ELAC2: variants seen among roughly 807,000 people sequenced by gnomAD.
ELAC2 encodes the protein zinc phosphodiesterase ELAC protein 2.
Under a neutral mutation model 105.2 loss-of-function variants are expected in ELAC2, and 92 were observed. The ratio of observed to expected loss-of-function variants is 0.87; its 90% CI spans 0.74 to 1.04. The LOEUF is 1.04. Ranked by LOEUF, ELAC2 falls within the 50% of genes least tolerant of loss-of-function variation. The probability of loss-of-function intolerance (pLI) is 0.00; values close to 1 mark genes in which losing one functional copy is unlikely to be tolerated. For missense variants in ELAC2, 1,099 were observed against 1,071.7 expected (o/e 1.03, Z -0.36); for synonymous variants, 468 against 409.1 (o/e 1.14, Z -1.74).
rs1474703899 is a variant in ELAC2 at position 12,994,460 on chromosome 17, A to G, written c.2073T>C (p.Asp691=). ...TLLIHEATLE[D]GLEEEAVEKT... is the part of the protein sequence containing the mutation. ...TTTCCACTGCTTCCTCTTCCAAACC[A>G]TCTTCCAGGGTGGCTTCATGTATCA... Residue 691 remains aspartate, a synonymous_variant, in exon 22 of 24, where the codon GAT becomes GAC. Coordinates refer to ENST00000338034, the MANE Select transcript of ELAC2 (RefSeq NM_018127.7). 8 of 1,613,974 alleles carry G rather than the reference A, an allele frequency of 5.0e-6. No homozygotes were observed. In the Admixed American group the frequency reaches 8.3e-5, roughly 17 times the overall value.
Position 13,013,222 on chromosome 17 carries a change from GGT to G in ELAC2, c.542_543del (p.Tyr181SerfsTer7). 1 of 1,614,170 alleles carries G rather than the reference GGT, an allele frequency of 6.2e-7. No individual in the cohort carries two copies. Among genetic ancestry groups the G allele is most frequent in the African/African-American group, 1.3e-5 (1 of 75,026 alleles). ...TCATACTCACTGTGTATGGGGATCT[GGT>G]AAACTGTCATGGTTTCATCCTCGTA... ...PEYEDETMTV[Y>X]QIPIHSEQRR... On this transcript the variant is annotated frameshift_variant, in exon 6 of 24. Transcript: ENST00000338034. LOFTEE classifies it high-confidence loss of function.
intron 17 of ELAC2, 145 bp downstream of exon 17, chr17:12,996,402 T>G: frequency 8.1e-7 from 1 of 1,229,500 alleles, no homozygotes; most frequent in South Asian, 1.3e-5. Flanking sequence ...TGTTGAGTTT[T>G]GCAAAAAACC....
Position 13,002,487 on chromosome 17 carries a change from AG to A in ELAC2, c.1171del (p.Leu391SerfsTer57). 6.2e-7 allele frequency: 1 copy of A among 1,608,150 alleles called. No homozygotes were observed. On this transcript the variant is annotated frameshift_variant, in exon 13 of 24. Coordinates refer to ENST00000338034, the MANE Select transcript of ELAC2 (RefSeq NM_018127.7). LOFTEE classifies it high-confidence loss of function. ...RSHKIQTQLN[L>X]IHPDIFPLLT... ...CAGGGGGAAGATGTCCGGGTGGATG[AG>A]GTTGAGCTGGGTTTGAATCTTGTGG...
In ELAC2 at chr17:12,993,782, T is replaced by C. The variant is rs1234751791; in HGVS notation, c.2158A>G (p.Ile720Val). ...SVGMRMNAEF[I>V]MLNHFSQRYA... ...CGCTGGCTGAAGTGGTTCAGCATAA[T>C]GAACTCCGCGTTCATCCGCATCCCC... The change falls in exon 23 of 24, where the codon ATT becomes GTT. Residue 720 changes from isoleucine to valine, a missense_variant. Physicochemically the swap from Ile to Val is conservative, Grantham distance 29 (BLOSUM62 3). Transcript: ENST00000338034. 6.2e-7 allele frequency: 1 copy of C among 1,614,166 alleles called. No individual in the cohort carries two copies.
rs547423100 is a variant in ELAC2, at chr17:13,014,485, G to A, written c.444C>T (p.Leu148=). 9 of 1,613,240 alleles carry A rather than the reference G, an allele frequency of 5.6e-6. 1 individual carries two copies. Among genetic ancestry groups the A allele is most frequent in the South Asian group, 4.4e-5 (4 of 91,060 alleles). Residue 148 remains leucine, a synonymous_variant, in exon 5 of 24, where the codon CTC becomes CTT. Transcript: ENST00000338034. The part of the protein sequence containing the change: ...LSGPPQLEKY[L]EAIKIFSGPL... ...GACCAGAAAATATTTTGATTGCTTC[G>A]AGGTATTTTTCCTAATGAAAAACAA...
intron 13 of ELAC2, 26 bp downstream of exon 13, chr17:13,002,415 G>A (rs1429413830): frequency 9.9e-6 from 16 of 1,613,712 alleles, no homozygotes; most frequent in East Asian, 2.2e-5. Context: ...GAGCTGGGCC[G>A]ACAAGGGGCC....
At position 13,010,683 on chromosome 17, in the gene ELAC2, C is replaced by T; in HGVS notation, c.680-12G>A. On this transcript the variant is annotated splice_polypyrimidine_tract_variant and intron_variant, in intron 7 of 23. Transcript: ENST00000338034. ...TCTCTGGCTAACACCTGAGGAAAAA[C>T]ACACTTGATTATCACAAGGTAAATG... is the stretch of plus-strand genomic sequence containing the variant. The T allele has an allele frequency of 1.2e-6, 2 of 1,613,264 alleles. No homozygotes were observed. Among genetic ancestry groups the T allele is most frequent in the Non-Finnish European group, 1.7e-6 (2 of 1,179,266 alleles).
intron 14 of ELAC2, chr17:13,001,003 T>C (rs2040770584): frequency 6.5e-6 from 1 of 153,226 alleles, no homozygotes; most frequent in South Asian, 2.1e-4. Flanking sequence ...CCTGCGCAGA[T>C]GCCAACAAAG....
At chr17:12,998,895 A>C (rs1429772834) in intron 15 of ELAC2, among the ~76,000 whole-genome samples, 1 of 152,192 alleles carries the variant, frequency 6.6e-6, no homozygotes, top group Non-Finnish European at 1.5e-5. Context: ...GGAAGCCTTC[A>C]CTGGAAGCTA....
rs879009279 is a variant in ELAC2, at chr17:13,016,745, C to CAAAA, written c.367+113_367+116dup. 294 of 652,108 alleles carry CAAAA rather than the reference C, an allele frequency of 4.5e-4. 1 individual carries two copies. Among genetic ancestry groups the CAAAA allele is most frequent in the Admixed American group, 7.6e-4 (19 of 24,898 alleles). 40.4% of individuals were successfully genotyped at this position (652,108 alleles called of 1,614,324 possible). A position where few individuals can be genotyped will look rare whatever the true frequency, so the allele number is the denominator to read the frequency against. ...CAGTGAGCCAAGATCACGCCACTGA[C>CAAAA]AAAAAAAAAAAAAAAAAAAAAAGTA... On this transcript the variant is annotated intron_variant, in intron 3 of 23. Coordinates refer to ENST00000338034, the MANE Select transcript of ELAC2 (RefSeq NM_018127.7).
chr17:13,002,631 C>T (rs1471233705), intron 12 of ELAC2, 52 bp from the exon 13 acceptor site: 4 of 1,562,106 alleles, frequency 2.6e-6, no homozygotes, highest in Non-Finnish European at 3.5e-6. Flanking sequence ...GGCAGCTCCC[C>T]CTGAGGAGTG....
Position 13,005,077 on chromosome 17 carries a change from GA to G in ELAC2, c.894del (p.Pro299LeufsTer11), listed in dbSNP as rs2041030046. The G allele has an allele frequency of 6.2e-7, 1 of 1,614,054 alleles. No individual in the cohort carries two copies. ...GREILAEELC[T>X]PPDPGAAFVV... ...ACAAAAGCAGCACCAGGATCTGGAGGAGTACACAGCTCTTCAGCCAAAATCT... is the reference window on the plus strand; with the variant it reads ...ACAAAAGCAGCACCAGGATCTGGAGGGTACACAGCTCTTCAGCCAAAATCT... On this transcript the variant is annotated frameshift_variant, in exon 11 of 24. Coordinates refer to ENST00000338034, the MANE Select transcript of ELAC2 (RefSeq NM_018127.7). LOFTEE classifies it high-confidence loss of function.
chr17:13,015,023 C>T (rs1406759011), intron 4 of ELAC2, among the ~76,000 whole-genome samples: 1 of 152,150 alleles, frequency 6.6e-6, no homozygotes, highest in East Asian at 1.9e-4. Flanking sequence ...GTGTGGGTAG[C>T]GGCCGGGGCC....
At chr17:13,016,235 T>G (rs975330880) in intron 3 of ELAC2, among the ~76,000 whole-genome samples, 1 of 152,164 alleles carries the variant, frequency 6.6e-6, no homozygotes, top group African/African-American at 2.4e-5. Flanking sequence ...GACCTTCCGG[T>G]TGATAGACAT....
At chr17:13,014,605 A>T (rs1283814707) in intron 4 of ELAC2, 109 bp from the exon 5 acceptor site, 3 of 841,832 alleles carry the variant, frequency 3.6e-6, no homozygotes, top group Non-Finnish European at 6.2e-6. Context: ...AACAAAGCTT[A>T]GTAAATATTT....
chr17:13,000,634 CCT>C, intron 14 of ELAC2: 1 of 348,484 alleles, frequency 2.9e-6, no homozygotes, highest in South Asian at 2.3e-5. Context: ...TGCCAAATGT[CCT>C]CTGAGGGGTC....
chr17:13,005,309 G>A (rs1192914217), intron 10 of ELAC2, among the ~76,000 whole-genome samples: 1 of 152,192 alleles, frequency 6.6e-6, no homozygotes, highest in Non-Finnish European at 1.5e-5. Context: ...AGGCACTTCA[G>A]GCCTACACTG....
At chr17:12,995,107 G>T in intron 19 of ELAC2, 45 bp from the exon 20 acceptor site, 1 of 1,601,124 alleles carries the variant, frequency 6.2e-7, no homozygotes, top group Non-Finnish European at 8.6e-7. Flanking sequence ...ACGTTTCTTG[G>T]ACATCTGGAA....
In ELAC2 at chr17:12,994,860, A is replaced by G. The variant is rs1317258135; in HGVS notation, c.1933T>C (p.Cys645Arg). Residue 645 changes from cysteine (C) to arginine (R), a missense_variant, in exon 21 of 24, where the codon TGC becomes CGC. By Grantham distance (180) the Cys-to-Arg change is radical. Transcript: ENST00000338034. ...AGCGCACAGCCAAACGCATGCTTGC[A>G]GTGCCGCACCAGACAGGTCTGAAAC... Reference protein sequence around the residue: ...EEFQTCLVRHCKHAFGCALVH... With the variant: ...EEFQTCLVRHRKHAFGCALVH... 1 of 1,614,108 alleles carries G rather than the reference A, an allele frequency of 6.2e-7. No individual in the cohort carries two copies. Among genetic ancestry groups the G allele is most frequent in the Non-Finnish European group, 8.5e-7 (1 of 1,180,028 alleles).
Sources: allele counts gnomAD v4.1 joint callset (sites outside exome capture counted in the v4.1 genomes callset), GRCh38; gene constraint gnomAD v4.1.1; transcripts MANE v1.5; gene names NCBI Gene and HGNC (gene_info 2026-07-23, HGNC 2026-07-21).